Variants in HDAC9 observed in about 807,000 individuals in gnomAD.
The protein encoded by HDAC9 is MEF-2 interacting transcription repressor (MITR) protein.
A neutral mutation model predicts 139.4 loss-of-function variants in HDAC9; 41 were observed. The observed-to-expected ratio is 0.29, with a 90% CI of 0.23 to 0.38. HDAC9 has a LOEUF of 0.38. Ranked by LOEUF, HDAC9 falls within the 10% of genes least tolerant of loss-of-function variation. The pLI, the probability that HDAC9 is intolerant of heterozygous loss-of-function variation, is 1.00. For missense variants in HDAC9, 1,147 were observed against 1,297.0 expected (o/e 0.88, Z 1.78); for synonymous variants, 517 against 476.2 (o/e 1.09, Z -1.12).
rs1491365782 is a variant in HDAC9, at chr7:18,732,932, T to TGTGTATACACACGTGTGTGC, written c.1909+5177_1909+5178insGTATACACACGTGTGTGCGT. 9.6e-5 allele frequency among the ~76,000 whole-genome samples: 9 copies of TGTGTATACACACGTGTGTGC among 93,436 alleles called. 1 individual carries two copies. The highest frequency in any genetic ancestry group is 7.9e-4 in the East Asian group (2 of 2,538). 61.3% of individuals were successfully genotyped at this position (93,436 alleles called of 152,430 possible). A position where few individuals can be genotyped will look rare whatever the true frequency, so the allele number is the denominator to read the frequency against. On this transcript the variant is annotated intron_variant, in intron 13 of 25. Coordinates refer to ENST00000686413, the MANE Select transcript of HDAC9 (RefSeq NM_178425.4). ...GCGTATGTGTATACACACGTGTGTA[T>TGTGTATACACACGTGTGTGC]GTATGTGTATACACACGTGTATGTG...
intron 1 of HDAC9, among the ~76,000 whole-genome samples, chr7:18,149,896 A>AT (rs1786641583): frequency 6.6e-6 from 1 of 151,658 alleles, no homozygotes; most frequent in Non-Finnish European, 1.5e-5. Flanking sequence ...GCGTCTTGCT[A>AT]TTTTTGCCCA....
intron 2 of HDAC9, among the ~76,000 whole-genome samples, chr7:18,505,514 G>T (rs533763352): frequency 2.6e-5 from 4 of 152,212 alleles, no homozygotes; most frequent in African/African-American, 9.6e-5. Context: ...TCCAATTTGG[G>T]TCCAGTTTGG....
intron 12 of HDAC9, among the ~76,000 whole-genome samples, chr7:18,713,172 G>A (rs1414542569): frequency 6.6e-6 from 1 of 152,090 alleles, no homozygotes; most frequent in Non-Finnish European, 1.5e-5. Flanking sequence ...TGAGAAATGA[G>A]TGTCATAAAA....
chr7:18,740,098 C>T (rs980681942), intron 13 of HDAC9, among the ~76,000 whole-genome samples: 3 of 152,212 alleles, frequency 2.0e-5, no homozygotes, highest in Non-Finnish European at 4.4e-5. Flanking sequence ...AGAATCTCCT[C>T]GTCTGCCGAT....
intron 1 of HDAC9, among the ~76,000 whole-genome samples, chr7:18,334,007 A>G (rs1389778567): frequency 1.3e-5 from 2 of 151,434 alleles, no homozygotes; most frequent in African/African-American, 4.8e-5. Context: ...ACTACTTATA[A>G]TTTCAGAGTA....
chr7:18,811,530 C>T (rs1794173430), intron 17 of HDAC9, among the ~76,000 whole-genome samples: 1 of 151,680 alleles, frequency 6.6e-6, no homozygotes, highest in African/African-American at 2.4e-5. Context: ...ATTACTTGGG[C>T]ATTTTTTCAG....
intron 21 of HDAC9, among the ~76,000 whole-genome samples, chr7:18,847,841 G>T (rs1051257469): frequency 2.0e-5 from 3 of 152,166 alleles, no homozygotes; most frequent in Non-Finnish European, 2.9e-5. Context: ...GAGGAGATCT[G>T]GTTATGCTAT....
At chr7:18,208,711 T>A (rs1223894395) in intron 2 of HDAC9, among the ~76,000 whole-genome samples, 1 of 152,024 alleles carries the variant, frequency 6.6e-6, no homozygotes, top group Non-Finnish European at 1.5e-5. Flanking sequence ...AAGTTATCAT[T>A]GATAAGATAT....
intron 2 of HDAC9, among the ~76,000 whole-genome samples, chr7:18,243,934 T>G (rs1794353831): frequency 6.6e-6 from 1 of 152,110 alleles, no homozygotes; most frequent in Admixed American, 6.5e-5. Flanking sequence ...AATGATTATG[T>G]GATAATAGTA....
chr7:18,603,556 A>G (rs78556304), intron 6 of HDAC9, among the ~76,000 whole-genome samples: 1 of 152,116 alleles, frequency 6.6e-6, no homozygotes, highest in Admixed American at 6.5e-5. Context: ...TTTACAGGTC[A>G]TACAGGTACC....
intron 17 of HDAC9, among the ~76,000 whole-genome samples, chr7:18,801,419 T>G (rs577641446): frequency 1.3e-5 from 2 of 152,180 alleles, no homozygotes; most frequent in South Asian, 4.1e-4. Context: ...ATTAAAAATT[T>G]TTGTATTCTT....
intron 2 of HDAC9, among the ~76,000 whole-genome samples, chr7:18,559,492 C>T (rs1052049580): frequency 9.2e-5 from 14 of 152,272 alleles, no homozygotes; most frequent in African/African-American, 3.4e-4. Flanking sequence ...GAGGGACAAG[C>T]AAGCCTGAAC....
At chr7:18,450,025 G>A (rs2557306) in intron 1 of HDAC9, among the ~76,000 whole-genome samples, 137,857 of 152,232 alleles carry the variant, frequency 0.91, 63,259 homozygotes, top group Non-Finnish European at 0.97. Flanking sequence ...AATGAAACAA[G>A]TATCTCAAAA....
intron 21 of HDAC9, among the ~76,000 whole-genome samples, chr7:18,861,593 G>C (rs1045834198): frequency 6.6e-6 from 1 of 152,080 alleles, no homozygotes; most frequent in Admixed American, 6.6e-5. Context: ...AGATACTGTT[G>C]AGAAAAATTT....
chr7:18,400,776 C>T lies in HDAC9; in HGVS notation c.-41-95486C>T, dbSNP rs190789300. Among the ~76,000 whole-genome samples, 1,125 of 152,242 alleles carry T rather than the reference C, an allele frequency of 7.4e-3. 4 individuals carry two copies. Among genetic ancestry groups the T allele is most frequent in the Non-Finnish European group, 0.012 (828 of 68,006 alleles). ...AGATGTACGATGAAAGCCATGAATC[C>T]TGAGGCCCAGAAAAGGAGGAACAGA... On this transcript the variant is annotated intron_variant, in intron 1 of 3. Transcript: ENST00000413509.
chr7:18,302,939 A>G (rs986823954), intron 1 of HDAC9, among the ~76,000 whole-genome samples: 2 of 152,150 alleles, frequency 1.3e-5, no homozygotes, highest in East Asian at 1.9e-4. Flanking sequence ...TCAGTTAAGT[A>G]ACTTTTTCCT....
intron 1 of HDAC9, among the ~76,000 whole-genome samples, chr7:18,435,917 TAAAG>T (rs936637587): frequency 6.8e-6 from 1 of 147,892 alleles, no homozygotes; most frequent in Non-Finnish European, 1.5e-5. Context: ...ATATAATATA[TAAAG>T]AGAGAGAGAA....
At chr7:18,195,725 A>G (rs1584573078) in intron 2 of HDAC9, among the ~76,000 whole-genome samples, 1 of 152,130 alleles carries the variant, frequency 6.6e-6, no homozygotes, top group Admixed American at 6.6e-5. Flanking sequence ...GGAGTTCTGC[A>G]CCTGTCACTT....
intron 6 of HDAC9, among the ~76,000 whole-genome samples, chr7:18,607,596 G>T (rs954228083): frequency 6.6e-6 from 1 of 152,142 alleles, no homozygotes; most frequent in African/African-American, 2.4e-5. Context: ...ATTAGTAGTA[G>T]CCATATAATG....
Sources: allele counts gnomAD v4.1 joint callset (sites outside exome capture counted in the v4.1 genomes callset), GRCh38; gene constraint gnomAD v4.1.1; transcripts MANE v1.5; gene names NCBI Gene and HGNC (gene_info 2026-07-23, HGNC 2026-07-21).